The following NCK2 variants were observed in gnomAD, a reference collection of about 807,000 sequenced individuals.
NCK2 encodes the protein NCK adaptor protein 2.
Under a neutral mutation model 33.9 loss-of-function variants are expected in NCK2, and 16 were observed. That is an observed-to-expected ratio of 0.47 (90% CI 0.32 to 0.72). The LOEUF (loss-of-function observed/expected upper bound fraction) is 0.72. Among genes scored for constraint, NCK2 ranks in the 30% least tolerant of loss-of-function variants. NCK2 has a pLI of 0.03. For missense variants in NCK2, 418 were observed against 537.3 expected, an observed-to-expected ratio of 0.78 and a Z score of 2.19; for synonymous variants, 273 against 239.9, an observed-to-expected ratio of 1.14 and a Z score of -1.27.
intron 1 of NCK2, among the ~76,000 whole-genome samples, chr2:105,760,737 A>G (rs1297124729): frequency 1.3e-5 from 2 of 152,118 alleles, no homozygotes; most frequent in East Asian, 3.9e-4. Flanking sequence ...AGTCAGGGCC[A>G]GAGTAGGGAG....
chr2:105,883,378 A>G (rs1678588019), intron 4 of NCK2, among the ~76,000 whole-genome samples: 1 of 152,202 alleles, frequency 6.6e-6, no homozygotes, highest in Admixed American at 6.5e-5. Context: ...ACCAATTACA[A>G]TATTAAGTGC....
At chr2:105,766,843 G>A (rs1309997202) in intron 1 of NCK2, among the ~76,000 whole-genome samples, 1 of 152,190 alleles carries the variant, frequency 6.6e-6, no homozygotes, top group Non-Finnish European at 1.5e-5. Context: ...AGTAGTGTTA[G>A]TTTGACTTAC....
chr2:105,808,460 G>A (rs375073356), intron 1 of NCK2, among the ~76,000 whole-genome samples: 14 of 152,214 alleles, frequency 9.2e-5, no homozygotes, highest in East Asian at 3.9e-4. Flanking sequence ...ACTAAATCAC[G>A]GATTAATCGG....
chr2:105,773,847 G>C (rs1379636788), intron 1 of NCK2, among the ~76,000 whole-genome samples: 1 of 152,214 alleles, frequency 6.6e-6, no homozygotes. Context: ...GTTGTCTTTT[G>C]TTCTTATGCA....
intron 2 of NCK2, among the ~76,000 whole-genome samples, chr2:105,822,568 T>C (rs1428016452): frequency 6.6e-6 from 1 of 152,024 alleles, no homozygotes; most frequent in African/African-American, 2.4e-5. Context: ...TTATTTTCTC[T>C]TAGTTGTGGT....
At chr2:105,821,424 C>T (rs550544379) in intron 2 of NCK2, among the ~76,000 whole-genome samples, 5 of 152,320 alleles carry the variant, frequency 3.3e-5, no homozygotes, top group African/African-American at 1.2e-4. Context: ...TTCTGCCGCA[C>T]TCTGGACCCC....
At chr2:105,889,740 C>T (rs1024492943) in intron 4 of NCK2, among the ~76,000 whole-genome samples, 7 of 152,032 alleles carry the variant, frequency 4.6e-5, no homozygotes, top group Non-Finnish European at 8.8e-5. Context: ...TGCATCACCA[C>T]ACCTGGCTAA....
intron 1 of NCK2, among the ~76,000 whole-genome samples, chr2:105,750,914 G>A (rs183084572): frequency 3.9e-5 from 6 of 152,332 alleles, no homozygotes; most frequent in Admixed American, 1.3e-4. Context: ...CTCTGTGATC[G>A]TGCAGTCTTT....
intron 1 of NCK2, among the ~76,000 whole-genome samples, chr2:105,761,310 A>G (rs751218903): frequency 1.3e-5 from 2 of 152,134 alleles, no homozygotes; most frequent in African/African-American, 2.4e-5. Flanking sequence ...TGACTTCCAG[A>G]GAATCTTTTT....
At chr2:105,832,475 G>A (rs34554853) in intron 2 of NCK2, among the ~76,000 whole-genome samples, 47,460 of 151,894 alleles carry the variant, frequency 0.31, 7,896 homozygotes, top group South Asian at 0.43. Flanking sequence ...GTTAAGGCTC[G>A]TATTACCTAA....
chr2:105,820,048 C>G (rs571515420), intron 2 of NCK2, among the ~76,000 whole-genome samples: 3 of 152,268 alleles, frequency 2.0e-5, no homozygotes, highest in Admixed American at 1.3e-4. Context: ...ATACTTGAGG[C>G]AGGGATCAAC....
chr2:105,838,310 G>GT (rs72497538), intron 2 of NCK2, among the ~76,000 whole-genome samples: 5,612 of 140,850 alleles, frequency 0.04, 142 homozygotes, highest in Non-Finnish European at 0.057. Flanking sequence ...TTATTAAAAT[G>GT]TTTTTTTTTT....
At chr2:105,754,119 G>A (rs1204597402) in intron 1 of NCK2, among the ~76,000 whole-genome samples, 1 of 152,228 alleles carries the variant, frequency 6.6e-6, no homozygotes. Flanking sequence ...GCTCCTGCAT[G>A]TTCCAAGTTT....
At chr2:105,813,780 A>G (rs1675378424) in intron 1 of NCK2, among the ~76,000 whole-genome samples, 1 of 152,250 alleles carries the variant, frequency 6.6e-6, no homozygotes, top group South Asian at 2.1e-4. Flanking sequence ...GGTTACAGAG[A>G]ATTCAGATAA....
At chr2:105,773,010 G>A (rs1003445218) in intron 1 of NCK2, among the ~76,000 whole-genome samples, 9 of 150,324 alleles carry the variant, frequency 6.0e-5, no homozygotes, top group Non-Finnish European at 1.2e-4. Flanking sequence ...TCCTGCCTCT[G>A]CCTCCTTAGT....
chr2:105,829,594 C>T (rs912989798), intron 2 of NCK2, among the ~76,000 whole-genome samples: 7 of 152,050 alleles, frequency 4.6e-5, no homozygotes, highest in African/African-American at 9.7e-5. Context: ...TTTGAGGAGT[C>T]GGGTATTTTT....
At chr2:105,802,838 A>G (rs1674893468) in intron 1 of NCK2, among the ~76,000 whole-genome samples, 1 of 151,844 alleles carries the variant, frequency 6.6e-6, no homozygotes, top group African/African-American at 2.4e-5. Flanking sequence ...ATGACTGATC[A>G]TCTGGAATTC....
At chr2:105,844,165 T>C (rs906781410) in intron 2 of NCK2, among the ~76,000 whole-genome samples, 55 of 152,178 alleles carry the variant, frequency 3.6e-4, no homozygotes, top group Non-Finnish European at 7.1e-4. Context: ...GGGGACATTC[T>C]TTAAATACCT....
At chr2:105,825,781 A>G (rs1262725787) in intron 2 of NCK2, among the ~76,000 whole-genome samples, 2 of 152,128 alleles carry the variant, frequency 1.3e-5, no homozygotes, top group African/African-American at 2.4e-5. Flanking sequence ...GTAAATATAC[A>G]CTCTGCTCTG....
Sources: gnomAD v4.1 joint callset for allele counts (sites outside exome capture counted in the v4.1 genomes callset) on GRCh38, gnomAD v4.1.1 for gene constraint, MANE v1.5 for transcripts, NCBI Gene and HGNC (gene_info 2026-07-23, HGNC 2026-07-21) for gene names.